The following NCAM1 variants were observed in gnomAD, a reference collection of about 807,000 sequenced individuals.
NCAM1 encodes antigen recognized by monoclonal antibody 5.1H11.
NCAM1 carries 14 observed loss-of-function variants against 109.8 expected under a neutral mutation model. The ratio of observed to expected loss-of-function variants is 0.13; its 90% CI spans 0.08 to 0.20. NCAM1 has a LOEUF of 0.20. NCAM1 is among the 10% of genes least tolerant of loss of function. The pLI is 1.00. For synonymous variants in NCAM1, 418 were observed against 442.9 expected, an observed-to-expected ratio of 0.94 and a Z score of 0.70; for missense variants, 774 against 1,109.9, an observed-to-expected ratio of 0.70 and a Z score of 4.30.
intron 1 of NCAM1, among the ~76,000 whole-genome samples, chr11:113,150,199 G>A (rs2136262369): frequency 6.6e-6 from 1 of 152,246 alleles, no homozygotes; most frequent in African/African-American, 2.4e-5. Flanking sequence ...GACCAATTTT[G>A]GTGAATTTAT....
At chr11:113,259,523 G>C (rs1039483706) in intron 16 of NCAM1, among the ~76,000 whole-genome samples, 2 of 152,126 alleles carry the variant, frequency 1.3e-5, no homozygotes, top group African/African-American at 4.8e-5. Flanking sequence ...TGTAGCCTGG[G>C]AGACAGGAGT....
At chr11:112,971,917 A>AT (rs1242270577) in intron 1 of NCAM1, among the ~76,000 whole-genome samples, 4 of 152,148 alleles carry the variant, frequency 2.6e-5, no homozygotes, top group South Asian at 4.1e-4. Context: ...ACTGTGGTAT[A>AT]TTTTTTAAAG....
At chr11:113,046,781 T>C (rs186006910) in intron 1 of NCAM1, among the ~76,000 whole-genome samples, 5 of 123,132 alleles carry the variant, frequency 4.1e-5, no homozygotes, top group Admixed American at 3.7e-4. Context: ...GAATAATAGA[T>C]GAAAGAGAAA....
chr11:113,152,969 A>G (rs1158246951), intron 1 of NCAM1, among the ~76,000 whole-genome samples: 1 of 152,150 alleles, frequency 6.6e-6, no homozygotes, highest in Non-Finnish European at 1.5e-5. Flanking sequence ...TGAATTATAG[A>G]GGGTCGAGCC....
At chr11:113,200,547 G>A (rs1233111675) in intron 1 of NCAM1, among the ~76,000 whole-genome samples, 2 of 152,184 alleles carry the variant, frequency 1.3e-5, no homozygotes, top group Non-Finnish European at 2.9e-5. Flanking sequence ...CCTACCCGGA[G>A]CCAGGAGGCC....
In NCAM1 at chr11:113,233,284, G is replaced by A. The variant is rs782314579; in HGVS notation, c.1660G>A (p.Val554Ile). The change falls in exon 13 of 20, where the codon GTA (valine) becomes ATA (isoleucine). Residue 554 changes from valine (V) to isoleucine (I), a missense_variant. Around this residue, in one of 4 missense-constraint regions of NCAM1, gnomAD observed 523 missense variants for 784.2 expected, o/e 0.67. Transcript: ENST00000316851. The surrounding 1 kb of genome is among the most constrained non-coding windows in gnomAD (Gnocchi z 4.5). Reference sequence around the variant, plus strand: ...TGAGTGGAGAGCAGTTGGTGAAGAAGTATGGCATTCCAAGTGGTATGATGC... The same window carrying A: ...TGAGTGGAGAGCAGTTGGTGAAGAAATATGGCATTCCAAGTGGTATGATGC... ...KAEWRAVGEE[V>I]WHSKWYDAKE... 3 of 1,613,572 alleles carry A rather than the reference G, an allele frequency of 1.9e-6. No individual in the cohort carries two copies. Among genetic ancestry groups the A allele is most frequent in the African/African-American group, 2.7e-5 (2 of 74,928 alleles).
intron 1 of NCAM1, among the ~76,000 whole-genome samples, chr11:113,116,716 C>G (rs1180197767): frequency 2.0e-5 from 3 of 150,276 alleles, no homozygotes; most frequent in Non-Finnish European, 4.4e-5. Flanking sequence ...GAGAGTGGTA[C>G]CTCTTGTGGT....
At chr11:113,180,219 G>A (rs1943289937) in intron 1 of NCAM1, among the ~76,000 whole-genome samples, 1 of 152,226 alleles carries the variant, frequency 6.6e-6, no homozygotes, top group Non-Finnish European at 1.5e-5. Context: ...TGAGCACTCA[G>A]AGGTTGCAGA....
At position 113,278,199 on chromosome 11, in the gene NCAM1, G is replaced by GT. The variant is rs1591482997; in HGVS notation, c.*2816dup. The GT allele has an allele frequency of 6.6e-6, 1 of 152,152 alleles. No individual in the cohort carries two copies. The highest frequency in any genetic ancestry group is 1.9e-4 in the East Asian group (1 of 5,180). 9.4% of individuals were successfully genotyped at this position (152,152 alleles called of 1,614,324 possible). ...TTCTATGGAGCCTTCCGAGTCCCAG[G>GT]TTTTCACTTGAGGCTGTCTGTCTGG... is the stretch of plus-strand genomic sequence containing the variant. On this transcript the variant is annotated 3_prime_UTR_variant, in exon 20 of 20. Coordinates refer to ENST00000316851, the MANE Select transcript of NCAM1 (RefSeq NM_181351.5).
intron 8 of NCAM1, among the ~76,000 whole-genome samples, chr11:113,216,341 A>G (rs1944530678): frequency 6.6e-6 from 1 of 151,384 alleles, no homozygotes; most frequent in African/African-American, 2.4e-5. Context: ...TTTAGTAGAG[A>G]CGGGGTTTCA....
intron 1 of NCAM1, among the ~76,000 whole-genome samples, chr11:113,150,534 T>A (rs1333441811): frequency 6.6e-6 from 1 of 152,232 alleles, no homozygotes; most frequent in Non-Finnish European, 1.5e-5. Context: ...TTCATTCATA[T>A]GCTAGCACCA....
chr11:113,138,202 A>G (rs1941678655), intron 1 of NCAM1, among the ~76,000 whole-genome samples: 1 of 152,154 alleles, frequency 6.6e-6, no homozygotes. Flanking sequence ...CCTTTCCCCA[A>G]ATTGATTAAT....
At chr11:113,027,014 C>T (rs1420842342) in intron 1 of NCAM1, among the ~76,000 whole-genome samples, 3 of 152,210 alleles carry the variant, frequency 2.0e-5, no homozygotes, top group African/African-American at 7.2e-5. Flanking sequence ...GCTAAGCAGG[C>T]TCACAGAGAA....
rs1555108634 is a variant in NCAM1 at position 113,185,068 on chromosome 11, T to TATATATATATATATATATATA, written c.53-17311_53-17310insATATATATATATATATATATA. ...TATGTGTATGTGTGTGCATTTATATTTATATATATATAGAGAGAGAGAGAG... is the reference window on the plus strand; with the variant it reads ...TATGTGTATGTGTGTGCATTTATATTATATATATATATATATATATATATATATATATAGAGAGAGAGAGAG... On this transcript the variant is annotated intron_variant, in intron 1 of 19. Coordinates refer to ENST00000316851, the MANE Select transcript of NCAM1 (RefSeq NM_181351.5). Among the ~76,000 whole-genome samples, 53 of 99,590 alleles carry TATATATATATATATATATATA rather than the reference T, an allele frequency of 5.3e-4. 1 individual carries two copies. Among genetic ancestry groups the TATATATATATATATATATATA allele is most frequent in the Middle Eastern group, 4.5e-3 (1 of 224 alleles). 65.3% of individuals were successfully genotyped at this position (99,590 alleles called of 152,430 possible). A position where few individuals can be genotyped will look rare whatever the true frequency, so the allele number is the denominator to read the frequency against.
intron 1 of NCAM1, among the ~76,000 whole-genome samples, chr11:113,059,841 C>G (rs1953855830): frequency 6.6e-6 from 1 of 152,116 alleles, no homozygotes; most frequent in South Asian, 2.1e-4. Flanking sequence ...GGAGAAAAAG[C>G]TTGATTTTAG....
At chr11:112,980,114 G>A (rs1315134453) in intron 1 of NCAM1, among the ~76,000 whole-genome samples, 1 of 151,794 alleles carries the variant, frequency 6.6e-6, no homozygotes. Flanking sequence ...TTAGCCATCA[G>A]GGGAAATGTA....
chr11:113,230,922 T>C (rs1283976047), intron 9 of NCAM1, among the ~76,000 whole-genome samples: 2 of 152,082 alleles, frequency 1.3e-5, no homozygotes, highest in East Asian at 3.9e-4. Flanking sequence ...ATTCCAGAGA[T>C]TTAGGAAGCC....
At chr11:113,027,976 A>C (rs1467710172) in intron 1 of NCAM1, among the ~76,000 whole-genome samples, 1 of 152,198 alleles carries the variant, frequency 6.6e-6, no homozygotes, top group Non-Finnish European at 1.5e-5. Flanking sequence ...TTTCACTCAT[A>C]TGTAGAATCT....
intron 1 of NCAM1, among the ~76,000 whole-genome samples, chr11:113,122,598 A>G (rs1406225135): frequency 5.3e-5 from 8 of 152,184 alleles, no homozygotes; most frequent in Non-Finnish European, 1.0e-4. Flanking sequence ...AGCCTAACTA[A>G]CGTGTAGAAA....
Sources: allele counts gnomAD v4.1 joint callset (sites outside exome capture counted in the v4.1 genomes callset), GRCh38; gene constraint gnomAD v4.1.1; regional missense constraint gnomAD v4.1.1; non-coding constraint Gnocchi (gnomAD v3.1); transcripts MANE v1.5; gene names NCBI Gene and HGNC (gene_info 2026-07-23, HGNC 2026-07-21).